Variants in GABRB1 observed in about 807,000 individuals in gnomAD.
GABRB1 encodes the protein gamma-aminobutyric acid receptor subunit beta-1.
Under a neutral mutation model 51.6 loss-of-function variants are expected in GABRB1, and 17 were observed. That is an observed-to-expected ratio of 0.33 (90% CI 0.23 to 0.49). GABRB1 has a LOEUF of 0.49. GABRB1 is among the 20% of genes least tolerant of loss of function. The probability of loss-of-function intolerance (pLI) is 0.99; values close to 1 mark genes in which losing one functional copy is unlikely to be tolerated. For missense variants in GABRB1, 410 were observed against 600.6 expected, an observed-to-expected ratio of 0.68 and a Z score of 3.32; for synonymous variants, 247 against 218.9, an observed-to-expected ratio of 1.13 and a Z score of -1.14.
rs567442181 is a variant in GABRB1 at position 47,031,751 on chromosome 4, TCTCG to T, written c.80+24_80+27del. The T allele has an allele frequency of 0.014, 14,523 of 1,014,080 alleles. 16 individuals carry two copies. Among genetic ancestry groups the T allele is most frequent in the Non-Finnish European group, 0.016 (12,032 of 739,722 alleles). 62.8% of individuals were successfully genotyped at this position (1,014,080 alleles called of 1,614,324 possible). ...ACACAGGTGAGCTGCTGTTGTTGAA[TCTCG>T]CTCTCTCTCTCTCTCTCTCTTTTTT... On this transcript the variant is annotated intron_variant, in intron 1 of 8. Transcript: ENST00000295454.
intron 4 of GABRB1, among the ~76,000 whole-genome samples, chr4:47,269,483 T>C (rs1199395507): frequency 6.6e-6 from 1 of 152,098 alleles, no homozygotes; most frequent in Non-Finnish European, 1.5e-5. Flanking sequence ...TTGCATCCAG[T>C]GATAGATGGC....
In GABRB1 at chr4:47,407,706, G is replaced by A. The variant is rs150435505; in HGVS notation, c.1080+780G>A. ...AGGCATTTGGGATACTGATGTGAAT[G>A]AGACAAAATTCCTCACCCTCATGGA... On this transcript the variant is annotated intron_variant, in intron 8 of 8. Coordinates refer to ENST00000295454, the MANE Select transcript of GABRB1 (RefSeq NM_000812.4). Among the ~76,000 whole-genome samples, 862 of 152,312 alleles carry A rather than the reference G, an allele frequency of 5.7e-3. 3 individuals carry two copies. The highest frequency in any genetic ancestry group is 8.1e-3 in the Non-Finnish European group (553 of 68,020).
intron 1 of GABRB1, among the ~76,000 whole-genome samples, chr4:47,014,707 T>G (rs950005316): frequency 6.6e-6 from 1 of 152,158 alleles, no homozygotes; most frequent in African/African-American, 2.4e-5. Flanking sequence ...TATGATATAT[T>G]AATTCAGAAG....
chr4:47,142,447 A>C (rs1459426157), intron 3 of GABRB1, among the ~76,000 whole-genome samples: 1 of 151,984 alleles, frequency 6.6e-6, no homozygotes, highest in African/African-American at 2.4e-5. Flanking sequence ...GCATATAAAT[A>C]GATCATAAAT....
In GABRB1 at chr4:47,114,836, C is replaced by A. The variant is rs113022049; in HGVS notation, c.241-46413C>A. ...GAGCACAGGAAGACAGAATATAAAC[C>A]AAACATGGCTACTATCTAAGCGCTG... On this transcript the variant is annotated intron_variant, in intron 3 of 8. Transcript: ENST00000295454. 8.2e-3 allele frequency among the ~76,000 whole-genome samples: 1,243 copies of A among 152,196 alleles called. 12 individuals carry two copies. Among genetic ancestry groups the A allele is most frequent in the African/African-American group, 0.028 (1,165 of 41,530 alleles).
chr4:47,181,023 G>A (rs528284351), intron 4 of GABRB1, among the ~76,000 whole-genome samples: 1 of 151,828 alleles, frequency 6.6e-6, no homozygotes, highest in Non-Finnish European at 1.5e-5. Context: ...TAAAAGCCTG[G>A]TCAGCACTCT....
upstream of GABRB1, among the ~76,000 whole-genome samples, chr4:47,030,472 C>A (rs935867458): frequency 1.3e-5 from 2 of 152,106 alleles, no homozygotes; most frequent in African/African-American, 2.4e-5. Context: ...GATTACAATT[C>A]GCTTTACTTA....
At chr4:47,062,530 G>T (rs1308388568) in intron 3 of GABRB1, among the ~76,000 whole-genome samples, 2 of 151,760 alleles carry the variant, frequency 1.3e-5, no homozygotes, top group Admixed American at 1.3e-4. Flanking sequence ...TATGTAACAT[G>T]ATTTGATGTA....
At chr4:47,019,499 C>T (rs986400359) in intron 1 of GABRB1, among the ~76,000 whole-genome samples, 2 of 151,084 alleles carry the variant, frequency 1.3e-5, no homozygotes, top group Non-Finnish European at 2.9e-5. Flanking sequence ...TTAATTTTCT[C>T]ATAGTTCTGG....
intron 8 of GABRB1, among the ~76,000 whole-genome samples, chr4:47,414,589 G>C (rs2110062372): frequency 6.6e-6 from 1 of 152,236 alleles, no homozygotes; most frequent in South Asian, 2.1e-4. Flanking sequence ...AGTGATTTGG[G>C]GGCCCCAAGA....
intron 1 of GABRB1, among the ~76,000 whole-genome samples, chr4:47,009,369 A>T (rs544060659): frequency 1.3e-5 from 2 of 152,258 alleles, no homozygotes; most frequent in African/African-American, 4.8e-5. Flanking sequence ...TAAAAACACT[A>T]CCATTATAAT....
At chr4:47,015,477 G>T (rs1359886872) in intron 1 of GABRB1, among the ~76,000 whole-genome samples, 1 of 151,988 alleles carries the variant, frequency 6.6e-6, no homozygotes, top group Non-Finnish European at 1.5e-5. Context: ...GTCCAAACAA[G>T]ACTCCTTTTC....
At chr4:46,994,821 G>A (rs1388139414) in intron 1 of GABRB1, among the ~76,000 whole-genome samples, 5 of 152,144 alleles carry the variant, frequency 3.3e-5, no homozygotes, top group African/African-American at 7.2e-5. Context: ...GGTTCTAGTC[G>A]GAACTCTGAT....
At chr4:47,404,784 G>A (rs953774033) in intron 7 of GABRB1, among the ~76,000 whole-genome samples, 1 of 152,130 alleles carries the variant, frequency 6.6e-6, no homozygotes, top group Non-Finnish European at 1.5e-5. Context: ...ACTTGAACAT[G>A]AGTATTGTTA....
intron 4 of GABRB1, among the ~76,000 whole-genome samples, chr4:47,294,122 G>A (rs1315859875): frequency 2.6e-5 from 4 of 152,118 alleles, no homozygotes; most frequent in Non-Finnish European, 4.4e-5. Context: ...TAGGTGGGGG[G>A]CAGCCAAGAT....
intron 4 of GABRB1, among the ~76,000 whole-genome samples, chr4:47,258,291 C>T (rs901566702): frequency 9.9e-5 from 15 of 152,112 alleles, no homozygotes; most frequent in Non-Finnish European, 2.1e-4. Context: ...GAAAAGGGTA[C>T]TATCATAGCC....
chr4:47,407,042 T>C, intron 8 of GABRB1, 116 bp downstream of exon 8: 6 of 1,025,596 alleles, frequency 5.9e-6, no homozygotes, highest in Non-Finnish European at 6.9e-6. Context: ...TTAATAAGAC[T>C]CAACCAAGCC....
At chr4:47,254,161 G>A (rs1160497086) in intron 4 of GABRB1, among the ~76,000 whole-genome samples, 1 of 151,946 alleles carries the variant, frequency 6.6e-6, no homozygotes, top group Admixed American at 6.6e-5. Flanking sequence ...AGAAGGTTGA[G>A]TCCTACCGTT....
intron 3 of GABRB1, among the ~76,000 whole-genome samples, chr4:47,058,767 G>T (rs1726728125): frequency 1.3e-5 from 2 of 152,252 alleles, no homozygotes; most frequent in African/African-American, 4.8e-5. Context: ...GATTGCCTTT[G>T]TAATGCCTTT....
Sources: gnomAD v4.1 joint callset for allele counts (sites outside exome capture counted in the v4.1 genomes callset) on GRCh38, gnomAD v4.1.1 for gene constraint, MANE v1.5 for transcripts, NCBI Gene and HGNC (gene_info 2026-07-23, HGNC 2026-07-21) for gene names.